The following ESRRG variants were observed in gnomAD, a reference collection of about 807,000 sequenced individuals.
ESRRG encodes estrogen-related receptor gamma.
ESRRG carries 13 observed loss-of-function variants against 44.0 expected under a neutral mutation model. The ratio of observed to expected loss-of-function variants is 0.30; its 90% CI spans 0.19 to 0.47. ESRRG has a LOEUF of 0.47. Ranked by LOEUF, ESRRG falls within the 20% of genes least tolerant of loss-of-function variation. ESRRG has a pLI of 1.00. For synonymous variants in ESRRG, 215 were observed against 214.6 expected, an observed-to-expected ratio of 1.00 and a Z score of -0.02; for missense variants, 395 against 580.6, an observed-to-expected ratio of 0.68 and a Z score of 3.29.
intron 2 of ESRRG, among the ~76,000 whole-genome samples, chr1:216,812,704 C>A (rs768366410): frequency 6.6e-6 from 1 of 152,040 alleles, no homozygotes; most frequent in Non-Finnish European, 1.5e-5. Context: ...TTTAATCCAC[C>A]CTGTTTTCTC....
chr1:216,965,251 C>A (rs556312611), intron 1 of ESRRG, among the ~76,000 whole-genome samples: 1 of 152,034 alleles, frequency 6.6e-6, no homozygotes, highest in South Asian at 2.1e-4. Context: ...CCATCCCAAC[C>A]TGAATGGCAA....
At chr1:216,914,280 T>C (rs958987855) in intron 2 of ESRRG, among the ~76,000 whole-genome samples, 1 of 152,164 alleles carries the variant, frequency 6.6e-6, no homozygotes, top group Non-Finnish European at 1.5e-5. Context: ...AAAATTCTGG[T>C]TTTTTATTAG....
intron 2 of ESRRG, among the ~76,000 whole-genome samples, chr1:216,835,473 T>C (rs548362333): frequency 1.3e-5 from 2 of 152,344 alleles, no homozygotes; most frequent in Middle Eastern, 3.4e-3. Flanking sequence ...TTGGCCAGCC[T>C]GTTACAGGCG....
At chr1:216,607,835 A>G (rs1423681072) in intron 3 of ESRRG, among the ~76,000 whole-genome samples, 1 of 152,210 alleles carries the variant, frequency 6.6e-6, no homozygotes, top group African/African-American at 2.4e-5. Context: ...TTAAAAAGCA[A>G]GGATGATAAC....
chr1:216,743,897 T>A (rs1454634273), intron 2 of ESRRG, among the ~76,000 whole-genome samples: 1 of 152,314 alleles, frequency 6.6e-6, no homozygotes, highest in South Asian at 2.1e-4. Flanking sequence ...CCATAGTAGG[T>A]AACTTGCAGA....
At chr1:216,919,626 C>T (rs1033411230) in intron 2 of ESRRG, among the ~76,000 whole-genome samples, 1 of 152,212 alleles carries the variant, frequency 6.6e-6, no homozygotes, top group Admixed American at 6.6e-5. Flanking sequence ...AACAGCCTAT[C>T]ACCATAGCTA....
chr1:217,084,114 G>T (rs570666622), intron 1 of ESRRG, among the ~76,000 whole-genome samples: 86 of 130,294 alleles, frequency 6.6e-4, no homozygotes, highest in African/African-American at 2.2e-3. Flanking sequence ...GAGGAAAGAA[G>T]AAAAATGGAA....
chr1:216,542,659 T>C (rs1324948963), intron 5 of ESRRG, among the ~76,000 whole-genome samples: 1 of 152,048 alleles, frequency 6.6e-6, no homozygotes. Flanking sequence ...ATTTACTACA[T>C]AAAATTAAAG....
chr1:216,922,422 G>A (rs2061959091), intron 2 of ESRRG, among the ~76,000 whole-genome samples: 1 of 152,136 alleles, frequency 6.6e-6, no homozygotes, highest in Non-Finnish European at 1.5e-5. Flanking sequence ...CCAAGACTGA[G>A]ACTTTCCTGG....
intron 5 of ESRRG, among the ~76,000 whole-genome samples, chr1:216,540,741 A>G (rs1468424747): frequency 1.3e-5 from 2 of 152,020 alleles, no homozygotes; most frequent in African/African-American, 4.8e-5. Flanking sequence ...ATAAAGACTA[A>G]TTCAAAGCCA....
At chr1:216,672,296 C>T (rs570006924) in intron 2 of ESRRG, among the ~76,000 whole-genome samples, 48 of 152,262 alleles carry the variant, frequency 3.2e-4, no homozygotes, top group African/African-American at 1.1e-3. Context: ...TTGGCTTCTA[C>T]CCAACTAAAT....
intron 2 of ESRRG, among the ~76,000 whole-genome samples, chr1:216,795,171 C>A (rs980290975): frequency 6.6e-6 from 1 of 151,912 alleles, no homozygotes; most frequent in African/African-American, 2.4e-5. Context: ...CCTGAAGACA[C>A]GAAGTAATGT....
chr1:216,584,424 T>C (rs1056046322), intron 3 of ESRRG, among the ~76,000 whole-genome samples: 3 of 151,862 alleles, frequency 2.0e-5, no homozygotes, highest in Non-Finnish European at 4.4e-5. Flanking sequence ...ACCTGGCTAA[T>C]TTTTTGTATT....
intron 2 of ESRRG, among the ~76,000 whole-genome samples, chr1:216,786,925 A>T (rs1432115292): frequency 1.3e-5 from 2 of 152,132 alleles, no homozygotes; most frequent in Non-Finnish European, 2.9e-5. Flanking sequence ...GTACGGGCAT[A>T]CCTTGTTTTA....
chr1:217,113,826 C>CA (rs1404171857), intron 1 of ESRRG, among the ~76,000 whole-genome samples: 2 of 151,980 alleles, frequency 1.3e-5, no homozygotes, highest in Non-Finnish European at 2.9e-5. Context: ...TTCATCTCTA[C>CA]AAAAAATTTA....
intron 5 of ESRRG, among the ~76,000 whole-genome samples, chr1:216,540,996 T>A (rs2052543958): frequency 6.6e-6 from 1 of 152,020 alleles, no homozygotes; most frequent in Non-Finnish European, 1.5e-5. Context: ...AGACAGGGAT[T>A]CTCTTTTGAG....
At chr1:216,704,279 C>T (rs180963626) in intron 1 of ESRRG, among the ~76,000 whole-genome samples, 3 of 152,162 alleles carry the variant, frequency 2.0e-5, no homozygotes, top group Admixed American at 1.3e-4. Context: ...TTTGGAAGGC[C>T]GAGGCGGGTG....
intron 1 of ESRRG, among the ~76,000 whole-genome samples, chr1:216,685,745 A>T (rs1444111051): frequency 6.6e-6 from 1 of 152,188 alleles, no homozygotes; most frequent in Admixed American, 6.5e-5. Flanking sequence ...AGGAAATGCA[A>T]ATGCTATCAC....
intron 1 of ESRRG, among the ~76,000 whole-genome samples, chr1:217,040,554 CT>C (rs1052346473): frequency 1.3e-5 from 2 of 152,114 alleles, no homozygotes; most frequent in African/African-American, 2.4e-5. Flanking sequence ...CAATCAAAAA[CT>C]TTTTTTATGC....
Sources: gnomAD v4.1 joint callset for allele counts (sites outside exome capture counted in the v4.1 genomes callset) on GRCh38, gnomAD v4.1.1 for gene constraint, MANE v1.5 for transcripts, NCBI Gene and HGNC (gene_info 2026-07-23, HGNC 2026-07-21) for gene names.